DMXL1: variants seen among roughly 807,000 people sequenced by gnomAD.
DMXL1 encodes the protein Dmx like 1.
DMXL1 carries 99 observed loss-of-function variants against 319.2 expected under a neutral mutation model. The observed-to-expected ratio is 0.31, with a 90% confidence interval of 0.26 to 0.37. DMXL1 has a LOEUF of 0.37. DMXL1 is among the 10% of genes least tolerant of loss of function. The pLI is 1.00. For synonymous variants in DMXL1, 1,385 were observed against 1,235.2 expected, an observed-to-expected ratio of 1.12 and a Z score of -2.54; for missense variants, 3,745 against 3,595.6, an observed-to-expected ratio of 1.04 and a Z score of -1.06.
Position 119,247,212 on chromosome 5 carries a change from T to C in DMXL1, c.9140T>C (p.Met3047Thr). The change falls in exon 44 of 44, where the codon ATG (methionine) becomes ACG (threonine). Residue 3047 changes from methionine to threonine, a missense_variant. Physicochemically the swap from Met to Thr is moderately conservative, Grantham distance 81. Around this residue, in one of 4 missense-constraint regions of DMXL1, gnomAD observed 262 missense variants for 320.5 expected, o/e 0.82. Coordinates refer to ENST00000539542, the MANE Select transcript of DMXL1 (RefSeq NM_001290321.3). ...NEVLKNDVKF[M>T]L ...GTGTTGAAAAATGATGTGAAATTTA[T>C]GCTATAACATTTTTACAATAAGATG... is the stretch of plus-strand genomic sequence containing the variant. 1.2e-6 allele frequency: 2 copies of C among 1,608,836 alleles called. No homozygotes were observed. The highest frequency in any genetic ancestry group is 1.7e-6 in the Non-Finnish European group (2 of 1,175,614).
At position 119,171,214 on chromosome 5, in the gene DMXL1, A is replaced by G; in HGVS notation, c.6423A>G (p.Gly2141=). 1 of 1,612,942 alleles carries G rather than the reference A, an allele frequency of 6.2e-7. No homozygotes were observed. The highest frequency in any genetic ancestry group is 1.3e-5 in the African/African-American group (1 of 75,012). Residue 2141 remains glycine, a synonymous_variant, in exon 24 of 44, where the codon GGA becomes GGG. Transcript: ENST00000539542. The part of the protein sequence containing the change: ...RMFLSYCILH[G]SHGGGLASVR... The stretch of plus-strand genomic sequence containing the variant: ...TTCTTAGTTACTGCATACTTCATGG[A>G]TCCCATGGTGGGGGTCTTGCATCTG...
At position 119,220,966 on chromosome 5, in the gene DMXL1, C is replaced by G. The variant is rs748382966; in HGVS notation, c.8162C>G (p.Ala2721Gly). 2 of 1,613,492 alleles carry G rather than the reference C, an allele frequency of 1.2e-6. No individual in the cohort carries two copies. The highest frequency in any genetic ancestry group is 1.7e-6 in the Non-Finnish European group (2 of 1,179,590). The change falls in exon 37 of 44, where the codon GCT becomes GGT. Residue 2721 changes from alanine (A) to glycine (G), a missense_variant. Around this residue, in one of 4 missense-constraint regions of DMXL1, gnomAD observed 1,382 missense variants for 1,269.5 expected, o/e 1.09. Coordinates refer to ENST00000539542, the MANE Select transcript of DMXL1 (RefSeq NM_001290321.3). ...TCAGAAGATTTCTTGGTTATACATG[C>G]TCGTGATGATTTAACAGCTGTTCAA... ...KGSEDFLVIH[A>G]RDDLTAVQGT... is the part of the protein sequence containing the mutation.
chr5:119,090,317 G>A (rs906355643), intron 1 of DMXL1, among the ~76,000 whole-genome samples: 12 of 151,784 alleles, frequency 7.9e-5, no homozygotes, highest in East Asian at 3.9e-4. Flanking sequence ...CACTGTGCCC[G>A]GCCACTTGGG....
intron 9 of DMXL1, among the ~76,000 whole-genome samples, chr5:119,126,246 G>A (rs1271102632): frequency 6.6e-6 from 1 of 152,108 alleles, no homozygotes; most frequent in South Asian, 2.1e-4. Context: ...TTGCGCCATT[G>A]CCCTCCACCC....
In DMXL1 at chr5:119,150,181, C is replaced by A. The variant is rs1183899663; in HGVS notation, c.4354C>A (p.Leu1452Ile). Reference protein sequence around the residue: ...SYDELFQTQLLMTDTHMLETD... With the variant: ...SYDELFQTQLIMTDTHMLETD... ...TGATGAGCTTTTTCAGACTCAACTTCTAATGACTGATACTCATATGTTAGA... is the reference window on the plus strand; with the variant it reads ...TGATGAGCTTTTTCAGACTCAACTTATAATGACTGATACTCATATGTTAGA... Residue 1452 changes from leucine (L) to isoleucine (I), a missense_variant, in exon 18 of 44, where the codon CTA (leucine) becomes ATA (isoleucine). By Grantham distance (5) the Leu-to-Ile change is conservative. This residue lies in a region of DMXL1 where 2,096 missense variants were observed against 1,985.4 expected (regional missense o/e 1.06). Coordinates refer to ENST00000539542, the MANE Select transcript of DMXL1 (RefSeq NM_001290321.3). The A allele has an allele frequency of 6.2e-7, 1 of 1,613,770 alleles. No homozygotes were observed.
Position 119,171,952 on chromosome 5 carries a change from G to C in DMXL1, c.6664G>C (p.Asp2222His). The change falls in exon 25 of 44, where the codon GAT becomes CAT. Residue 2222 changes from aspartate (D) to histidine (H), a missense_variant. This residue lies in a region of DMXL1 where 1,382 missense variants were observed against 1,269.5 expected (regional missense o/e 1.09). Transcript: ENST00000539542. The part of the protein sequence containing the change: ...IINFDSPPHP[D>H]IQSNKVYVMH... Reference sequence around the variant, plus strand: ...AAACTTTGATTCACCACCCCACCCTGATATCCAAAGCAATAAAGTAAGTAT... The same window carrying C: ...AAACTTTGATTCACCACCCCACCCTCATATCCAAAGCAATAAAGTAAGTAT... The C allele has an allele frequency of 6.2e-7, 1 of 1,611,036 alleles. No individual in the cohort carries two copies. Among genetic ancestry groups the C allele is most frequent in the Non-Finnish European group, 8.5e-7 (1 of 1,178,622 alleles).
intron 6 of DMXL1, 103 bp from the exon 7 acceptor site, chr5:119,116,055 C>A: frequency 1.9e-6 from 2 of 1,063,358 alleles, no homozygotes; most frequent in Non-Finnish European, 1.3e-6. Flanking sequence ...CTCTTCCCAT[C>A]CCCAAGTTCT....
intron 2 of DMXL1, among the ~76,000 whole-genome samples, chr5:119,099,947 G>T (rs1465019774): frequency 1.3e-5 from 2 of 152,140 alleles, no homozygotes; most frequent in African/African-American, 2.4e-5. Context: ...GCTGCAGTCA[G>T]CTCTGGTGGC....
At chr5:119,101,832 T>G in intron 2 of DMXL1, 103 bp from the exon 3 acceptor site, 1 of 731,010 alleles carries the variant, frequency 1.4e-6, no homozygotes, top group Non-Finnish European at 2.3e-6. Context: ...AATGAAATTG[T>G]GTGTATTGGC....
chr5:119,076,569 A>C (rs1162953558), intron 1 of DMXL1, among the ~76,000 whole-genome samples: 1 of 152,318 alleles, frequency 6.6e-6, no homozygotes, highest in East Asian at 1.9e-4. Flanking sequence ...TTTAAAACAT[A>C]AAGTTTTACA....
At chr5:119,232,320 T>G (rs1389679529) in intron 38 of DMXL1, among the ~76,000 whole-genome samples, 1 of 152,206 alleles carries the variant, frequency 6.6e-6, no homozygotes, top group Non-Finnish European at 1.5e-5. Flanking sequence ...TGGTAAAAGC[T>G]TTCAAACCAA....
At chr5:119,202,942 C>T (rs1781090739) in intron 32 of DMXL1, among the ~76,000 whole-genome samples, 1 of 141,432 alleles carries the variant, frequency 7.1e-6, no homozygotes, top group Admixed American at 7.1e-5. Context: ...TTCTTACCTT[C>T]AGGTTATGCA....
chr5:119,183,849 C>T (rs1009990567), intron 28 of DMXL1, among the ~76,000 whole-genome samples: 1 of 152,114 alleles, frequency 6.6e-6, no homozygotes, highest in African/African-American at 2.4e-5. Flanking sequence ...ATTCATTTTA[C>T]AAATGAGTCA....
chr5:119,227,209 T>A (rs1164320909), intron 38 of DMXL1, among the ~76,000 whole-genome samples: 2 of 152,118 alleles, frequency 1.3e-5, no homozygotes, highest in East Asian at 3.9e-4. Context: ...CACTGGGTCA[T>A]TTTTTTTCCC....
Position 119,239,039 on chromosome 5 carries a change from C to T in DMXL1, c.8610C>T (p.Ser2870=), listed in dbSNP as rs778209035. 14 of 1,613,716 alleles carry T rather than the reference C, an allele frequency of 8.7e-6. No homozygotes were observed. The highest frequency in any genetic ancestry group is 8.3e-5 in the Admixed American group (5 of 59,996). Residue 2870 remains serine (S), a synonymous_variant, in exon 41 of 44, where the codon TCC becomes TCT. Transcript: ENST00000539542. ...CCAATGATTTTGTCTTCGTTAGTTC[C>T]TCCTCTCTGATAGCTACAGCTGGTC... The part of the protein sequence containing the change: ...KTANDFVFVS[S]SSLIATAGLS...
intron 30 of DMXL1, among the ~76,000 whole-genome samples, chr5:119,195,830 C>CA (rs1410438517): frequency 1.3e-5 from 2 of 152,190 alleles, no homozygotes; most frequent in East Asian, 3.9e-4. Context: ...TTTTAAAAAT[C>CA]AAACTATATA....
At chr5:119,136,159 G>A (rs1173956245) in intron 13 of DMXL1, among the ~76,000 whole-genome samples, 3 of 152,226 alleles carry the variant, frequency 2.0e-5, no homozygotes, top group African/African-American at 7.2e-5. Context: ...TAATGCTTTA[G>A]CAAAGAGACT....
rs1787149647 is a variant in DMXL1 at position 119,233,431 on chromosome 5, A to C, written c.8430A>C (p.Arg2810Ser). 6.2e-7 allele frequency: 1 copy of C among 1,612,002 alleles called. No homozygotes were observed. The highest frequency in any genetic ancestry group is 8.5e-7 in the Non-Finnish European group (1 of 1,178,466). The change falls in exon 39 of 44, where the codon AGA becomes AGC. Residue 2810 changes from arginine (R) to serine (S), a missense_variant. Transcript: ENST00000539542. ...ITCFRSGGNS[R>S]VTRMRFNYQG... ...GTTTTCGATCTGGTGGCAATTCAAG[A>C]GTTACAAGAATGAGATTTAACTATC...
At chr5:119,089,294 T>TA (rs150933906) in intron 1 of DMXL1, among the ~76,000 whole-genome samples, 136 of 16,772 alleles carry the variant, frequency 8.1e-3, no homozygotes, top group Admixed American at 0.011. Flanking sequence ...ATATATATAT[T>TA]TTTTTTTTTT....
Sources: allele counts gnomAD v4.1 joint callset (sites outside exome capture counted in the v4.1 genomes callset), GRCh38; gene constraint gnomAD v4.1.1; regional missense constraint gnomAD v4.1.1; transcripts MANE v1.5; gene names NCBI Gene and HGNC (gene_info 2026-07-23, HGNC 2026-07-21).